ALG9: variants seen among roughly 807,000 people sequenced by gnomAD.
The protein encoded by ALG9 is ALG9 alpha-1,2-mannosyltransferase, also known as alpha-1,2-mannosyltransferase ALG9.
Under a neutral mutation model 81.8 loss-of-function variants are expected in ALG9, and 55 were observed. That is an observed-to-expected ratio of 0.67 (90% CI 0.54 to 0.84). The LOEUF (loss-of-function observed/expected upper bound fraction) is 0.84, where lower values mean the gene tolerates loss of function less well. Ranked by LOEUF, ALG9 falls within the 40% of genes least tolerant of loss-of-function variation. ALG9 has a pLI of 0.00. For missense variants in ALG9, 629 were observed against 745.0 expected (o/e 0.84, Z 1.81); for synonymous variants, 278 against 274.3 (o/e 1.01, Z -0.13).
At chr11:111,820,920 G>A (rs970303508) in intron 13 of ALG9, among the ~76,000 whole-genome samples, 34 of 146,356 alleles carry the variant, frequency 2.3e-4, no homozygotes, top group African/African-American at 3.3e-4. Context: ...AAACACGCGC[G>A]CACACACACA....
intron 13 of ALG9, among the ~76,000 whole-genome samples, chr11:111,826,768 G>C (rs77050381): frequency 6.6e-6 from 1 of 152,308 alleles, no homozygotes; most frequent in East Asian, 1.9e-4. Context: ...TCTGGGGATA[G>C]TCTCACATGA....
chr11:111,844,154 A>G (rs1956623508), intron 9 of ALG9, among the ~76,000 whole-genome samples: 1 of 151,984 alleles, frequency 6.6e-6, no homozygotes, highest in Non-Finnish European at 1.5e-5. Flanking sequence ...ACAGGCATCC[A>G]CCACCATGTC....
At chr11:111,800,567 C>T (rs375233675) in intron 14 of ALG9, among the ~76,000 whole-genome samples, 63 of 152,018 alleles carry the variant, frequency 4.1e-4, no homozygotes, top group African/African-American at 1.4e-3. Context: ...TTCTGATCTC[C>T]AAACCTGCCT....
chr11:111,773,455 G>C, the ALG9 span, among the ~76,000 whole-genome samples: 5 of 151,962 alleles, frequency 3.3e-5, no homozygotes, highest in South Asian at 1.0e-3. Context: ...ATGTTCGCCA[G>C]GCTGCTCTCA....
chr11:111,796,373 T>C (rs1555075345), intron 14 of ALG9, among the ~76,000 whole-genome samples: 1 of 152,188 alleles, frequency 6.6e-6, no homozygotes, highest in Non-Finnish European at 1.5e-5. Flanking sequence ...CTAAAAGCAG[T>C]GGTGGTCCTA....
chr11:111,803,718 CT>C (rs1949494441), intron 14 of ALG9, among the ~76,000 whole-genome samples: 1 of 152,124 alleles, frequency 6.6e-6, no homozygotes, highest in Non-Finnish European at 1.5e-5. Flanking sequence ...AAAAAACAGT[CT>C]TTTCAACAAA....
chr11:111,779,282 C>CGAGTT (rs1412023365), downstream of ALG9, among the ~76,000 whole-genome samples: 1 of 151,928 alleles, frequency 6.6e-6, no homozygotes, highest in African/African-American at 2.4e-5. Context: ...TTGCAATTCC[C>CGAGTT]GAGTTAAGAT....
At position 111,786,278 on chromosome 11, in the gene ALG9, C is replaced by A; in HGVS notation, c.*119G>T. The A allele has an allele frequency of 6.7e-7, 1 of 1,490,364 alleles. No individual in the cohort carries two copies. Among genetic ancestry groups the A allele is most frequent in the Non-Finnish European group, 9.3e-7 (1 of 1,071,490 alleles). 92.3% of individuals were successfully genotyped at this position (1,490,364 alleles called of 1,614,324 possible). On this transcript the variant is annotated 3_prime_UTR_variant, in exon 15 of 15. Coordinates refer to ENST00000616540, the MANE Select transcript of ALG9 (RefSeq NM_024740.2). Reference sequence around the variant, plus strand: ...TTGACTAGCCCAGAGCACCCAGATTCCAGTATTCATGTCAGAAGACCTTTA... The same window carrying A: ...TTGACTAGCCCAGAGCACCCAGATTACAGTATTCATGTCAGAAGACCTTTA...
chr11:111,770,157 T>C, the ALG9 span, among the ~76,000 whole-genome samples: 1 of 152,152 alleles, frequency 6.6e-6, no homozygotes, highest in Admixed American at 6.5e-5. Context: ...TGAGCCAAAT[T>C]CTGAGGCTGA....
At chr11:111,814,055 C>T (rs1017576188) in intron 13 of ALG9, among the ~76,000 whole-genome samples, 1 of 152,020 alleles carries the variant, frequency 6.6e-6, no homozygotes, top group Admixed American at 6.6e-5. Flanking sequence ...AATGCCTGCA[C>T]CAAAAGAAAA....
chr11:111,828,905 C>A (rs1309289108), intron 13 of ALG9: 1 of 152,158 alleles, frequency 6.6e-6, no homozygotes, highest in African/African-American at 2.4e-5. Context: ...AACTTCTCTG[C>A]AGATATTGAT....
rs139199949 is a variant in ALG9, at chr11:111,797,888, G to A, written c.1734-11368C>T. Among the ~76,000 whole-genome samples the A allele has an allele frequency of 2.3e-3, 343 of 152,222 alleles. 4 individuals carry two copies. Among genetic ancestry groups the A allele is most frequent in the African/African-American group, 7.1e-3 (294 of 41,530 alleles). ...TAGGCACTGAAAGAACATAATAAGC[G>A]TATATGATATCAGCACAGTCCCCAA... On this transcript the variant is annotated intron_variant, in intron 14 of 14. Transcript: ENST00000616540.
intron 13 of ALG9, among the ~76,000 whole-genome samples, chr11:111,834,480 GCTA>G (rs1555115761): frequency 6.6e-6 from 1 of 152,142 alleles, no homozygotes; most frequent in Non-Finnish European, 1.5e-5. Flanking sequence ...TTGCATTTTT[GCTA>G]CAGAGAGATA....
intron 2 of ALG9, among the ~76,000 whole-genome samples, chr11:111,869,970 C>G (rs922855033): frequency 1.9e-4 from 29 of 152,076 alleles, no homozygotes; most frequent in African/African-American, 7.0e-4. Flanking sequence ...CACCACCATG[C>G]CCGGCTAATT....
intron 14 of ALG9, among the ~76,000 whole-genome samples, chr11:111,794,310 A>ATCTTGCTC (rs1947910292): frequency 6.6e-6 from 1 of 152,078 alleles, no homozygotes; most frequent in Admixed American, 6.6e-5. Context: ...AAAAGACAGG[A>ATCTTGCTC]TCTTGCTCTG....
intron 5 of ALG9, 77 bp downstream of exon 5, chr11:111,860,470 G>T: frequency 8.4e-7 from 1 of 1,186,664 alleles, no homozygotes; most frequent in Non-Finnish European, 1.3e-6. Context: ...AACTATTGGT[G>T]AACCTGCAAT....
chr11:111,807,420 T>G (rs1221991309), intron 14 of ALG9, among the ~76,000 whole-genome samples: 2 of 152,188 alleles, frequency 1.3e-5, no homozygotes, highest in African/African-American at 4.8e-5. Flanking sequence ...AGTCTTTGTT[T>G]GAATATCATC....
At chr11:111,829,744 A>G (rs1954021782) in intron 13 of ALG9, among the ~76,000 whole-genome samples, 1 of 152,220 alleles carries the variant, frequency 6.6e-6, no homozygotes, top group South Asian at 2.1e-4. Flanking sequence ...CATCAGCTGT[A>G]ACAGAAACTT....
At chr11:111,771,395 G>A in the ALG9 span, 53,930 of 152,214 alleles carry the variant, frequency 0.35, 10,162 homozygotes, top group East Asian at 0.63. Context: ...TAGCGCCACT[G>A]GGAAAAAGAA....
Sources: allele counts gnomAD v4.1 joint callset (sites outside exome capture counted in the v4.1 genomes callset), GRCh38; gene constraint gnomAD v4.1.1; transcripts MANE v1.5; gene names NCBI Gene and HGNC (gene_info 2026-07-23, HGNC 2026-07-21).